CPEB3: variants seen among roughly 807,000 people sequenced by gnomAD.
CPEB3 encodes the protein cytoplasmic polyadenylation element-binding protein 3.
A neutral mutation model predicts 67.2 loss-of-function variants in CPEB3; 20 were observed. That is an observed-to-expected ratio of 0.30 (90% CI 0.21 to 0.43). The LOEUF (loss-of-function observed/expected upper bound fraction) is 0.43, where lower values mean the gene tolerates loss of function less well. Among genes scored for constraint, CPEB3 ranks in the 20% least tolerant of loss-of-function variants. The pLI is 1.00. For synonymous variants in CPEB3, 376 were observed against 393.1 expected, an observed-to-expected ratio of 0.96 and a Z score of 0.51; for missense variants, 746 against 968.6, an observed-to-expected ratio of 0.77 and a Z score of 3.05.
At position 92,069,103 on chromosome 10, in the gene CPEB3, G is replaced by A. The variant is rs566204344; in HGVS notation, c.1869+12217C>T. 2.6e-5 allele frequency among the ~76,000 whole-genome samples: 4 copies of A among 152,250 alleles called. No homozygotes were observed. In the South Asian group the frequency reaches 8.3e-4, roughly 32 times the overall value. ...TCATCCTTACTTCTTTTGCTATTGA[G>A]TCATTGTATATATTCCTGCTGTGGT... On this transcript the variant is annotated intron_variant, in intron 9 of 9. Transcript: ENST00000265997.
chr10:92,165,006 G>A (rs1166684456), intron 4 of CPEB3, among the ~76,000 whole-genome samples: 1 of 152,106 alleles, frequency 6.6e-6, no homozygotes, highest in African/African-American at 2.4e-5. Context: ...CCTAACCACT[G>A]TAATACAGCA....
At position 92,255,994 on chromosome 10, in the gene CPEB3, T is replaced by C. The variant is rs570342368; in HGVS notation, c.-11-15633A>G. Among the ~76,000 whole-genome samples, 61 of 152,338 alleles carry C rather than the reference T, an allele frequency of 4.0e-4. No homozygotes were observed. In the South Asian group the frequency reaches 4.1e-3, roughly 10 times the overall value. ...ACTATTTCTCTATCAGAAGATCCTA[T>C]TAGCACCTCTTCTCCCATAAATTTG... is the stretch of plus-strand genomic sequence containing the variant. On this transcript the variant is annotated intron_variant, in intron 1 of 9. Coordinates refer to ENST00000265997, the MANE Select transcript of CPEB3 (RefSeq NM_014912.5).
intron 4 of CPEB3, among the ~76,000 whole-genome samples, chr10:92,175,761 C>G (rs2134049769): frequency 6.6e-6 from 1 of 152,302 alleles, no homozygotes; most frequent in East Asian, 1.9e-4. Context: ...TGATGACTTA[C>G]AGGTGTGCTG....
intron 7 of CPEB3, among the ~76,000 whole-genome samples, chr10:92,099,767 G>A (rs1306185403): frequency 6.6e-6 from 1 of 151,916 alleles, no homozygotes; most frequent in Non-Finnish European, 1.5e-5. Context: ...GGGAGGCTGA[G>A]GCAGGAGAAT....
chr10:92,138,992 A>C (rs1701525017), intron 6 of CPEB3, among the ~76,000 whole-genome samples: 1 of 152,216 alleles, frequency 6.6e-6, no homozygotes. Flanking sequence ...AATATGTGGT[A>C]TGTGACCAGG....
At chr10:92,184,114 C>T (rs1027220319) in intron 3 of CPEB3, among the ~76,000 whole-genome samples, 2 of 152,176 alleles carry the variant, frequency 1.3e-5, no homozygotes, top group African/African-American at 2.4e-5. Context: ...TATTCTCTAT[C>T]GTACGCTGAT....
chr10:92,245,800 G>A (rs538421057), intron 1 of CPEB3, among the ~76,000 whole-genome samples: 1 of 152,102 alleles, frequency 6.6e-6, no homozygotes, highest in African/African-American at 2.4e-5. Context: ...ATTTTGGGAG[G>A]CCGAGGCGGC....
At chr10:92,116,428 T>G (rs1845034234) in intron 6 of CPEB3, among the ~76,000 whole-genome samples, 1 of 152,080 alleles carries the variant, frequency 6.6e-6, no homozygotes, top group Non-Finnish European at 1.5e-5. Context: ...ATATCTGCTT[T>G]CATATATGAT....
At chr10:92,091,366 T>C (rs1260625434) in intron 8 of CPEB3, among the ~76,000 whole-genome samples, 3 of 152,166 alleles carry the variant, frequency 2.0e-5, no homozygotes, top group Admixed American at 1.3e-4. Flanking sequence ...TAAATATGTA[T>C]TGAAGCCATC....
chr10:92,223,607 G>C (rs1427320329), intron 2 of CPEB3, among the ~76,000 whole-genome samples: 1 of 117,468 alleles, frequency 8.5e-6, no homozygotes, highest in Non-Finnish European at 1.6e-5. Flanking sequence ...ACAGAGTCTC[G>C]CTGTCACGCA....
At chr10:92,285,776 G>A (rs991596863) in intron 1 of CPEB3, among the ~76,000 whole-genome samples, 2 of 152,108 alleles carry the variant, frequency 1.3e-5, no homozygotes, top group African/African-American at 4.8e-5. Context: ...ACAAAGTAGA[G>A]CCTAAATTGG....
chr10:92,191,663 T>C (rs1049811491), intron 3 of CPEB3, among the ~76,000 whole-genome samples: 4 of 152,186 alleles, frequency 2.6e-5, no homozygotes, highest in African/African-American at 9.7e-5. Context: ...TAATGGTTCA[T>C]ACAAGATGGG....
chr10:92,267,612 TAGAAAC>T (rs758290382), intron 1 of CPEB3, among the ~76,000 whole-genome samples: 2 of 151,912 alleles, frequency 1.3e-5, no homozygotes, highest in Non-Finnish European at 2.9e-5. Context: ...GAGTTAAGAG[TAGAAAC>T]AGAAACAGAT....
At chr10:92,161,073 C>T (rs1390081291) in intron 4 of CPEB3, among the ~76,000 whole-genome samples, 2 of 152,098 alleles carry the variant, frequency 1.3e-5, no homozygotes, top group East Asian at 3.9e-4. Context: ...GACAGGGTTT[C>T]ACCATGTCAC....
chr10:92,071,070 T>TACACAC (rs58497259), intron 9 of CPEB3, among the ~76,000 whole-genome samples: 3,368 of 147,674 alleles, frequency 0.023, 111 homozygotes, highest in African/African-American at 0.079. Context: ...CACTTTCATT[T>TACACAC]ACACACACAC....
At chr10:92,227,660 G>C (rs1234510108) in intron 2 of CPEB3, among the ~76,000 whole-genome samples, 1 of 150,558 alleles carries the variant, frequency 6.6e-6, no homozygotes, top group Non-Finnish European at 1.5e-5. Context: ...GCGCGATCTC[G>C]GCTCACTGCA....
chr10:92,141,725 CAA>C (rs774670372), intron 6 of CPEB3, among the ~76,000 whole-genome samples: 2 of 138,272 alleles, frequency 1.4e-5, no homozygotes. Flanking sequence ...GAAAACATAC[CAA>C]AAAAAAAAAG....
At chr10:92,065,736 G>A (rs1842521447) in intron 9 of CPEB3, among the ~76,000 whole-genome samples, 1 of 152,076 alleles carries the variant, frequency 6.6e-6, no homozygotes, top group African/African-American at 2.4e-5. Flanking sequence ...GCTTTAACAT[G>A]AGCCCTTTTA....
intron 1 of CPEB3, among the ~76,000 whole-genome samples, chr10:92,240,678 A>G (rs1463945597): frequency 1.3e-5 from 2 of 152,038 alleles, no homozygotes; most frequent in African/African-American, 4.8e-5. Context: ...TTTTCCCTTC[A>G]CCGGAACTCA....
Sources: gnomAD v4.1 joint callset for allele counts (sites outside exome capture counted in the v4.1 genomes callset) on GRCh38, gnomAD v4.1.1 for gene constraint, MANE v1.5 for transcripts, NCBI Gene and HGNC (gene_info 2026-07-23, HGNC 2026-07-21) for gene names.